Variants in WWC1 observed in about 807,000 individuals in gnomAD.
WWC1 encodes the protein WW and C2 domain containing 1, also known as protein KIBRA.
Under a neutral mutation model 138.4 loss-of-function variants are expected in WWC1, and 55 were observed. That is an observed-to-expected ratio of 0.40 (90% CI 0.32 to 0.50). WWC1 has a LOEUF of 0.50. Ranked by LOEUF, WWC1 falls within the 20% of genes least tolerant of loss-of-function variation. The pLI is 0.72. For missense variants in WWC1, 1,226 were observed against 1,420.4 expected (o/e 0.86, Z 2.20); for synonymous variants, 524 against 564.9 (o/e 0.93, Z 1.03).
chr5:168,342,947 A>AG (rs1774165365), intron 1 of WWC1, among the ~76,000 whole-genome samples: 1 of 152,162 alleles, frequency 6.6e-6, no homozygotes, highest in Non-Finnish European at 1.5e-5. Flanking sequence ...GCAGGGAGCA[A>AG]GGGGTGTTTC....
At chr5:168,379,755 G>A (rs1777477084) in intron 2 of WWC1, among the ~76,000 whole-genome samples, 1 of 152,100 alleles carries the variant, frequency 6.6e-6, no homozygotes, top group South Asian at 2.1e-4. Context: ...TGCCCTTGAA[G>A]GATAATCTTT....
intron 21 of WWC1, 104 bp from the exon 22 acceptor site, chr5:168,467,736 G>C (rs3816545): frequency 6.6e-7 from 1 of 1,510,268 alleles, no homozygotes; most frequent in Non-Finnish European, 9.0e-7. Context: ...GCAAGAGTGA[G>C]GGTGCCGTCC....
chr5:168,319,167 C>T lies in WWC1; in HGVS notation c.119+26896C>T, dbSNP rs144717605. 6.5e-3 allele frequency among the ~76,000 whole-genome samples: 982 copies of T among 152,238 alleles called. 10 individuals are homozygous for T. Among genetic ancestry groups the T allele is most frequent in the African/African-American group, 0.022 (928 of 41,548 alleles). On this transcript the variant is annotated intron_variant, in intron 1 of 22. Transcript: ENST00000265293. ...GGGCGTGGTGGCTCACGCCTCTAATCCCAGCACTTTGGGAGGCCAAGGTGA... is the reference window on the plus strand; with the variant it reads ...GGGCGTGGTGGCTCACGCCTCTAATTCCAGCACTTTGGGAGGCCAAGGTGA...
chr5:168,370,017 C>T (rs1776623857), intron 1 of WWC1, among the ~76,000 whole-genome samples: 1 of 150,720 alleles, frequency 6.6e-6, no homozygotes, highest in African/African-American at 2.4e-5. Context: ...TCTCCTGCCT[C>T]AGCCTCCTGA....
intron 15 of WWC1, among the ~76,000 whole-genome samples, chr5:168,440,907 C>T (rs1754692757): frequency 6.6e-6 from 1 of 152,156 alleles, no homozygotes; most frequent in Admixed American, 6.5e-5. Flanking sequence ...CCCAAATGTC[C>T]ATCAACAGAT....
At chr5:168,375,205 A>C (rs1024612421) in intron 2 of WWC1, among the ~76,000 whole-genome samples, 1 of 152,192 alleles carries the variant, frequency 6.6e-6, no homozygotes, top group Non-Finnish European at 1.5e-5. Context: ...GGAATGAAAC[A>C]GAGAAGAGGA....
chr5:168,390,626 C>G (rs1221928203), intron 3 of WWC1, among the ~76,000 whole-genome samples: 1 of 152,236 alleles, frequency 6.6e-6, no homozygotes, highest in Admixed American at 6.5e-5. Flanking sequence ...CCAGGTTTGC[C>G]TTCCAAGTCA....
chr5:168,394,071 G>A (rs72645752), intron 3 of WWC1, among the ~76,000 whole-genome samples: 2,661 of 152,248 alleles, frequency 0.017, 56 homozygotes, highest in East Asian at 0.1. Context: ...TTAGGATGAC[G>A]GGGAGATGGG....
intron 11 of WWC1, 87 bp downstream of exon 11, chr5:168,424,155 C>A: frequency 6.8e-7 from 1 of 1,460,086 alleles, no homozygotes; most frequent in Non-Finnish European, 9.2e-7. Context: ...TCATTCTAGT[C>A]GATATTTACT....
chr5:168,403,092 C>CT, intron 5 of WWC1, among the ~76,000 whole-genome samples: 1 of 102,100 alleles, frequency 9.8e-6, no homozygotes, highest in South Asian at 3.1e-4. Context: ...TCTTTCTTTT[C>CT]TTTCTTTCTT....
intron 3 of WWC1, 114 bp from the exon 4 acceptor site, chr5:168,397,610 A>T: frequency 9.8e-7 from 1 of 1,020,266 alleles, no homozygotes; most frequent in East Asian, 2.5e-5. Flanking sequence ...TTGAACATTT[A>T]GGTTGTTCAC....
chr5:168,311,485 A>G (rs1052937576), intron 1 of WWC1, among the ~76,000 whole-genome samples: 1 of 152,150 alleles, frequency 6.6e-6, no homozygotes, highest in Non-Finnish European at 1.5e-5. Flanking sequence ...ACCCTCATTT[A>G]TGAGTCAGTT....
At chr5:168,410,423 T>C (rs951057773) in intron 8 of WWC1, among the ~76,000 whole-genome samples, 1 of 152,254 alleles carries the variant, frequency 6.6e-6, no homozygotes, top group South Asian at 2.1e-4. Context: ...TTTTAAGCAG[T>C]GTAGACCTCT....
intron 5 of WWC1, among the ~76,000 whole-genome samples, chr5:168,405,216 A>T (rs772378483): frequency 6.6e-6 from 1 of 152,120 alleles, no homozygotes; most frequent in Non-Finnish European, 1.5e-5. Context: ...CATTGTGTTC[A>T]TTAGCTCAAC....
In WWC1 at chr5:168,295,710, T is replaced by C. The variant is rs752181718; in HGVS notation, c.119+3439T>C. ...ATTCCTCCCTCTGGGGCTGAGCTGTTTTGTGTGCTGGCCGGCCAGGAGCTG... is the reference window on the plus strand; with the variant it reads ...ATTCCTCCCTCTGGGGCTGAGCTGTCTTGTGTGCTGGCCGGCCAGGAGCTG... On this transcript the variant is annotated intron_variant, in intron 1 of 22. Coordinates refer to ENST00000265293, the MANE Select transcript of WWC1 (RefSeq NM_015238.3). 2.6e-5 allele frequency among the ~76,000 whole-genome samples: 4 copies of C among 152,040 alleles called. 1 individual carries two copies. The South Asian group carries it at 8.3e-4, about 32-fold the overall frequency.
At chr5:168,377,131 C>G (rs1010319347) in intron 2 of WWC1, among the ~76,000 whole-genome samples, 1 of 152,144 alleles carries the variant, frequency 6.6e-6, no homozygotes, top group Admixed American at 6.5e-5. Flanking sequence ...AGCCGCACAC[C>G]TACAGCTATT....
At chr5:168,464,679 C>T (rs1390104879) in intron 20 of WWC1, 50 bp from the exon 21 acceptor site, 8 of 1,607,164 alleles carry the variant, frequency 5.0e-6, no homozygotes, top group Admixed American at 1.7e-5. Context: ...GCTGGGTGGG[C>T]TCACTGGGCA....
intron 1 of WWC1, among the ~76,000 whole-genome samples, chr5:168,336,854 ATGCCTACCC>A (rs1474830173): frequency 1.4e-4 from 22 of 152,308 alleles, no homozygotes; most frequent in African/African-American, 5.3e-4. Flanking sequence ...CTGTAGCAAG[ATGCCTACCC>A]TGTCTGTGCT....
In WWC1 at chr5:168,428,153, G is replaced by C. The variant is rs1781652846; in HGVS notation, c.1919+12G>C. On this transcript the variant is annotated intron_variant, in intron 12 of 22. Coordinates refer to ENST00000265293, the MANE Select transcript of WWC1 (RefSeq NM_015238.3). ...GCTTCCGTGCAGAGGTAGGTGTCTG[G>C]GTGCTGGCTCTCTCTGTGGCCCTGT... The C allele has an allele frequency of 6.2e-7, 1 of 1,610,314 alleles. No individual in the cohort carries two copies. The highest frequency in any genetic ancestry group is 8.5e-7 in the Non-Finnish European group (1 of 1,177,438).
Sources: gnomAD v4.1 joint callset for allele counts (sites outside exome capture counted in the v4.1 genomes callset) on GRCh38, gnomAD v4.1.1 for gene constraint, MANE v1.5 for transcripts, NCBI Gene and HGNC (gene_info 2026-07-23, HGNC 2026-07-21) for gene names.